Variants in SLCO1C1 observed in about 807,000 individuals in gnomAD.
SLCO1C1 encodes the protein OAT-RP-5.
SLCO1C1 carries 70 observed loss-of-function variants against 76.4 expected under a neutral mutation model. That is an observed-to-expected ratio of 0.92 (90% CI 0.76 to 1.12). SLCO1C1 has a LOEUF of 1.12. SLCO1C1 is among the 50% of genes most tolerant of loss of function. SLCO1C1 has a pLI of 0.00. For missense variants in SLCO1C1, 912 were observed against 823.8 expected, an observed-to-expected ratio of 1.11 and a Z score of -1.31; for synonymous variants, 306 against 286.1, an observed-to-expected ratio of 1.07 and a Z score of -0.70.
rs371523416 is a variant in SLCO1C1, at chr12:20,715,302, G to T, written c.676+17G>T. 2 of 1,611,762 alleles carry T rather than the reference G, an allele frequency of 1.2e-6. No individual in the cohort carries two copies. Among genetic ancestry groups the T allele is most frequent in the East Asian group, 2.2e-5 (1 of 44,834 alleles). On this transcript the variant is annotated intron_variant, in intron 6 of 14. Coordinates refer to ENST00000266509, the MANE Select transcript of SLCO1C1 (RefSeq NM_017435.5). ...TCTATATTGGTAATATTGGCATATT[G>T]CTTCACTTATCTTCTTGGGAAGCAG...
Position 20,750,809 on chromosome 12 carries a change from A to G in SLCO1C1, c.1916+17A>G. The G allele has an allele frequency of 6.2e-7, 1 of 1,613,986 alleles. No homozygotes were observed. ...TGTCTTCAGGTACCAAATCAAAAGC[A>G]TTCCCGCATCTCATTGCTACAGCAT... is the stretch of plus-strand genomic sequence containing the variant. On this transcript the variant is annotated intron_variant, in intron 14 of 14. Transcript: ENST00000266509.
chr12:20,722,938 A>G (rs778395221), intron 8 of SLCO1C1, 152 bp from the exon 9 acceptor site: 3 of 633,796 alleles, frequency 4.7e-6, no homozygotes, highest in South Asian at 4.6e-5. Flanking sequence ...CCAGTGGCTT[A>G]CTATATACAT....
intron 12 of SLCO1C1, among the ~76,000 whole-genome samples, chr12:20,740,690 C>A (rs1323161951): frequency 3.4e-5 from 5 of 148,148 alleles, no homozygotes; most frequent in Non-Finnish European, 7.4e-5. Context: ...AGGTAACATG[C>A]ATTTTAGATT....
intron 1 of SLCO1C1, among the ~76,000 whole-genome samples, chr12:20,698,740 CTTTG>C (rs1040934258): frequency 2.2e-4 from 33 of 152,040 alleles, no homozygotes; most frequent in South Asian, 2.1e-4. Flanking sequence ...TTGAGAAATA[CTTTG>C]TTTGTTGAAT....
At chr12:20,746,670 T>C (rs1949058671) in intron 13 of SLCO1C1, among the ~76,000 whole-genome samples, 1 of 152,156 alleles carries the variant, frequency 6.6e-6, no homozygotes, top group Non-Finnish European at 1.5e-5. Context: ...ACAGTACATT[T>C]GCCTGAAGTA....
In SLCO1C1 at chr12:20,740,787, T is replaced by TTATATATATA. The variant is rs71039980; in HGVS notation, c.1733+441_1733+450dup. ...ACAACAATGTTAGAATTTATTTTAT[T>TTATATATATA]TATATATATATATATATATATATAT... On this transcript the variant is annotated intron_variant, in intron 12 of 14. Transcript: ENST00000266509. 9.9e-3 allele frequency among the ~76,000 whole-genome samples: 741 copies of TTATATATATA among 74,988 alleles called. 30 individuals are homozygous for TTATATATATA. The highest frequency in any genetic ancestry group is 0.023 in the African/African-American group (416 of 18,380). The allele number at this position is 74,988 out of a possible 152,430, so 49.2% of individuals were successfully genotyped here.
chr12:20,699,171 T>C (rs1385704724), intron 1 of SLCO1C1, among the ~76,000 whole-genome samples: 1 of 152,102 alleles, frequency 6.6e-6, no homozygotes, highest in Admixed American at 6.6e-5. Flanking sequence ...GACTTTATCC[T>C]AATGAATCAA....
chr12:20,740,550 T>C (rs1447091535), intron 12 of SLCO1C1, among the ~76,000 whole-genome samples, 182 bp downstream of exon 12: 2 of 151,832 alleles, frequency 1.3e-5, no homozygotes, highest in African/African-American at 4.8e-5. Context: ...TGTGGCTGAA[T>C]AGAAGTTTTC....
chr12:20,751,478 A>G (rs542253697), intron 14 of SLCO1C1, among the ~76,000 whole-genome samples: 1 of 152,288 alleles, frequency 6.6e-6, no homozygotes, highest in African/African-American at 2.4e-5. Flanking sequence ...CATTTTCTGG[A>G]GAAATAAACT....
At chr12:20,745,541 A>G in intron 13 of SLCO1C1, among the ~76,000 whole-genome samples, 1 of 152,090 alleles carries the variant, frequency 6.6e-6, no homozygotes, top group East Asian at 1.9e-4. Context: ...AAAAAATTCA[A>G]AGGCTGGGTG....
chr12:20,750,731 T>A lies in SLCO1C1; in HGVS notation c.1855T>A (p.Trp619Arg). 6.2e-7 allele frequency: 1 copy of A among 1,614,064 alleles called. No homozygotes were observed. Among genetic ancestry groups the A allele is most frequent in the African/African-American group, 1.3e-5 (1 of 75,042 alleles). Residue 619 changes from tryptophan to arginine, a missense_variant, in exon 14 of 15, where the codon TGG becomes AGG. Physicochemically the swap from Trp to Arg is moderately radical, Grantham distance 101. Coordinates refer to ENST00000266509, the MANE Select transcript of SLCO1C1 (RefSeq NM_017435.5). ...TTTGATTGATACTTCATGCCTCAAA[T>A]GGGGATTTAAAAGATGTGGAAGTAG... ...GVLIDTSCLK[W>R]GFKRCGSRGS...
At chr12:20,731,240 T>C (rs1948248925) in intron 9 of SLCO1C1, among the ~76,000 whole-genome samples, 1 of 152,228 alleles carries the variant, frequency 6.6e-6, no homozygotes, top group African/African-American at 2.4e-5. Context: ...GGTCTGCTTC[T>C]TTCTATTCCT....
At chr12:20,730,101 G>C (rs1010667907) in intron 9 of SLCO1C1, among the ~76,000 whole-genome samples, 1 of 151,956 alleles carries the variant, frequency 6.6e-6, no homozygotes, top group Non-Finnish European at 1.5e-5. Flanking sequence ...AGGTTCAATT[G>C]GTACTTTACA....
rs752517730 is a variant in SLCO1C1, at chr12:20,721,834, A to C, written c.806A>C (p.Gln269Pro). The change falls in exon 8 of 15, where the codon CAG becomes CCG. Residue 269 changes from glutamine (Q) to proline (P), a missense_variant. Transcript: ENST00000266509. ...DHITITPKDP[Q>P]WVGAWWLGYL... ...ATAACCATTACCCCAAAAGATCCCC[A>C]GTGGGTAGGAGCCTGGTGGCTTGGC... is the stretch of plus-strand genomic sequence containing the variant. The C allele has an allele frequency of 1.2e-6, 2 of 1,614,030 alleles. No individual in the cohort carries two copies. The highest frequency in any genetic ancestry group is 1.3e-5 in the African/African-American group (1 of 74,920).
intron 12 of SLCO1C1, among the ~76,000 whole-genome samples, chr12:20,741,476 G>C (rs1382538384): frequency 6.6e-6 from 1 of 152,036 alleles, no homozygotes; most frequent in Non-Finnish European, 1.5e-5. Flanking sequence ...ACTTTCTAAT[G>C]TAATTAATGG....
At chr12:20,701,743 T>C (rs1471002988) in intron 3 of SLCO1C1, among the ~76,000 whole-genome samples, 2 of 151,842 alleles carry the variant, frequency 1.3e-5, no homozygotes, top group African/African-American at 2.4e-5. Flanking sequence ...AAGGGTGAGA[T>C]GCTAATTGGT....
At chr12:20,746,716 A>G (rs540467789) in intron 13 of SLCO1C1, among the ~76,000 whole-genome samples, 1 of 152,320 alleles carries the variant, frequency 6.6e-6, no homozygotes, top group East Asian at 1.9e-4. Context: ...TAACTACCAG[A>G]TTCTAGGAAA....
chr12:20,749,332 G>A (rs1378837831), intron 13 of SLCO1C1, among the ~76,000 whole-genome samples: 2 of 152,202 alleles, frequency 1.3e-5, no homozygotes, highest in East Asian at 3.9e-4. Context: ...GATGTAGGCA[G>A]AGAGAAAGCT....
At chr12:20,732,734 TACC>T (rs974848706) in intron 9 of SLCO1C1, among the ~76,000 whole-genome samples, 172 bp from the exon 10 acceptor site, 10 of 152,162 alleles carry the variant, frequency 6.6e-5, no homozygotes, top group African/African-American at 1.9e-4. Flanking sequence ...TGTGCAGTTG[TACC>T]ACCATTAATC....
Sources: gnomAD v4.1 joint callset for allele counts (sites outside exome capture counted in the v4.1 genomes callset) on GRCh38, gnomAD v4.1.1 for gene constraint, MANE v1.5 for transcripts, NCBI Gene and HGNC (gene_info 2026-07-23, HGNC 2026-07-21) for gene names.